The following ADAMTSL1 variants were observed in gnomAD, a reference collection of about 807,000 sequenced individuals.
ADAMTSL1 encodes ADAMTS-like protein 1.
In ADAMTSL1, 126 loss-of-function variants were observed where a neutral mutation model predicts 201.8. The observed-to-expected ratio is 0.62, with a 90% CI of 0.54 to 0.72. ADAMTSL1 has a LOEUF of 0.72. Ranked by LOEUF, ADAMTSL1 falls within the 30% of genes least tolerant of loss-of-function variation. The probability of loss-of-function intolerance (pLI) is 0.00; values close to 1 mark genes in which losing one functional copy is unlikely to be tolerated. For missense variants in ADAMTSL1, 2,679 were observed against 2,277.8 expected (o/e 1.18, Z -3.59); for synonymous variants, 1,121 against 903.4 (o/e 1.24, Z -4.32).
chr9:18,534,718 G>A (rs1006349370), intron 3 of ADAMTSL1, among the ~76,000 whole-genome samples: 5 of 152,180 alleles, frequency 3.3e-5, no homozygotes, highest in African/African-American at 1.2e-4. Flanking sequence ...CTAAGCAGAG[G>A]TTCCCAAACC....
chr9:18,310,612 C>T (rs188989625), intron 2 of ADAMTSL1, among the ~76,000 whole-genome samples: 9 of 152,192 alleles, frequency 5.9e-5, no homozygotes, highest in East Asian at 5.8e-4. Flanking sequence ...AAATGGTCAT[C>T]GTCACTGGTC....
chr9:18,579,746 G>C (rs1822978859), intron 4 of ADAMTSL1, among the ~76,000 whole-genome samples: 1 of 152,134 alleles, frequency 6.6e-6, no homozygotes, highest in Non-Finnish European at 1.5e-5. Flanking sequence ...ATCAACTCCT[G>C]ATCCAGGGCA....
At chr9:18,086,175 C>T (rs1028715395) in intron 1 of ADAMTSL1, among the ~76,000 whole-genome samples, 10 of 152,096 alleles carry the variant, frequency 6.6e-5, no homozygotes, top group African/African-American at 1.7e-4. Context: ...TGGTCATTTA[C>T]ATGAATTTGA....
intron 2 of ADAMTSL1, among the ~76,000 whole-genome samples, chr9:18,344,997 C>T (rs529573684): frequency 2.6e-5 from 4 of 152,128 alleles, no homozygotes; most frequent in Admixed American, 6.6e-5. Context: ...AGGCATGGTC[C>T]TGGCTTCCGA....
Position 18,041,650 on chromosome 9 carries a change from A to G in ADAMTSL1, c.88-122212A>G, listed in dbSNP as rs534501248. ...TGGAGCAAAAGGTTACTTGGAATTA[A>G]TTTGTGGTGTGTGTATATTTAATAA... is the stretch of plus-strand genomic sequence containing the variant. On this transcript the variant is annotated intron_variant, in intron 1 of 29. Transcript: ENST00000680146. Among the ~76,000 whole-genome samples the G allele has an allele frequency of 2.0e-3, 297 of 152,260 alleles. 1 individual carries two copies. Among genetic ancestry groups the G allele is most frequent in the African/African-American group, 6.7e-3 (278 of 41,568 alleles).
chr9:18,470,496 A>C (rs1821163728), upstream of ADAMTSL1, among the ~76,000 whole-genome samples: 1 of 152,204 alleles, frequency 6.6e-6, no homozygotes. Context: ...AGATGCTGCC[A>C]TAACCACTTC....
chr9:18,023,228 G>A (rs912399659), intron 1 of ADAMTSL1, among the ~76,000 whole-genome samples: 1 of 151,974 alleles, frequency 6.6e-6, no homozygotes, highest in Admixed American at 6.6e-5. Flanking sequence ...CACCTGAAGG[G>A]CTTCTTAAAA....
At chr9:18,850,205 G>T (rs538301825) in intron 23 of ADAMTSL1, among the ~76,000 whole-genome samples, 1 of 152,186 alleles carries the variant, frequency 6.6e-6, no homozygotes, top group African/African-American at 2.4e-5. Context: ...TTTCCTGGCA[G>T]CAGGACACAA....
Position 18,680,462 on chromosome 9 carries a change from G to T in ADAMTSL1, c.1287G>T (p.Ala429=). The T allele has an allele frequency of 5.0e-6, 8 of 1,614,132 alleles. No individual in the cohort carries two copies. In the South Asian group the frequency reaches 5.5e-5, roughly 11 times the overall value. Residue 429 remains alanine (A), a synonymous_variant, in exon 11 of 29, where the codon GCG becomes GCT. Coordinates refer to ENST00000380548, the MANE Select transcript of ADAMTSL1 (RefSeq NM_001040272.6). The part of the protein sequence containing the change: ...KCMYTPKMPI[A]QPCNIFDCPK... Reference sequence around the variant, plus strand: ...TGTACACCCCTAAGATGCCCATCGCGCAGCCCTGCAACATTTTTGACTGCC... The same window carrying T: ...TGTACACCCCTAAGATGCCCATCGCTCAGCCCTGCAACATTTTTGACTGCC...
At chr9:18,485,279 C>T (rs1488858827) in intron 1 of ADAMTSL1, among the ~76,000 whole-genome samples, 2 of 152,028 alleles carry the variant, frequency 1.3e-5, no homozygotes, top group Admixed American at 6.6e-5. Flanking sequence ...GCCAAAAGTC[C>T]CAGGTACATG....
intron 23 of ADAMTSL1, among the ~76,000 whole-genome samples, chr9:18,861,914 T>C (rs1827238176): frequency 6.6e-6 from 1 of 152,044 alleles, no homozygotes; most frequent in South Asian, 2.1e-4. Flanking sequence ...TTCCCTCACA[T>C]TGTTTGTTAT....
chr9:17,963,561 G>A (rs1817845197), intron 1 of ADAMTSL1, among the ~76,000 whole-genome samples: 2 of 152,168 alleles, frequency 1.3e-5, no homozygotes, highest in South Asian at 2.1e-4. Context: ...GAGTTTTTGG[G>A]AAGTTTTAGA....
At chr9:18,134,657 T>G (rs984164751) in intron 1 of ADAMTSL1, among the ~76,000 whole-genome samples, 2 of 152,212 alleles carry the variant, frequency 1.3e-5, no homozygotes, top group Admixed American at 6.5e-5. Context: ...AACTTGCCAG[T>G]GGGTGTGGTG....
intron 1 of ADAMTSL1, among the ~76,000 whole-genome samples, chr9:18,122,816 T>C (rs1251044472): frequency 6.6e-6 from 1 of 152,112 alleles, no homozygotes; most frequent in African/African-American, 2.4e-5. Context: ...GGTCTCACTG[T>C]AGCCTCAACC....
At chr9:18,513,087 T>C (rs185031978) in intron 2 of ADAMTSL1, among the ~76,000 whole-genome samples, 1 of 152,318 alleles carries the variant, frequency 6.6e-6, no homozygotes, top group Non-Finnish European at 1.5e-5. Context: ...ATCTTAGAGC[T>C]AATCTCCTCT....
chr9:18,130,470 T>C (rs913151603), intron 1 of ADAMTSL1, among the ~76,000 whole-genome samples: 1 of 152,190 alleles, frequency 6.6e-6, no homozygotes, highest in Non-Finnish European at 1.5e-5. Flanking sequence ...CAATTATTTA[T>C]GCACATCTGT....
At chr9:17,980,650 C>A (rs944382521) in intron 1 of ADAMTSL1, among the ~76,000 whole-genome samples, 4 of 151,816 alleles carry the variant, frequency 2.6e-5, no homozygotes, top group African/African-American at 9.7e-5. Flanking sequence ...GAGGGTAGAG[C>A]CTTCAGGAAT....
intron 3 of ADAMTSL1, among the ~76,000 whole-genome samples, chr9:18,558,627 C>T (rs1821264117): frequency 6.6e-6 from 1 of 152,210 alleles, no homozygotes; most frequent in Admixed American, 6.5e-5. Flanking sequence ...CTTCCATCAA[C>T]AGTGTAAAAG....
intron 2 of ADAMTSL1, among the ~76,000 whole-genome samples, chr9:18,290,362 G>T (rs945007776): frequency 6.6e-6 from 1 of 151,848 alleles, no homozygotes; most frequent in Non-Finnish European, 1.5e-5. Context: ...GGGACAGTGA[G>T]GAGACGTGTA....
Sources: gnomAD v4.1 joint callset for allele counts (sites outside exome capture counted in the v4.1 genomes callset) on GRCh38, gnomAD v4.1.1 for gene constraint, MANE v1.5 for transcripts, NCBI Gene and HGNC (gene_info 2026-07-23, HGNC 2026-07-21) for gene names.